Variants in SH3BP2 observed in about 807,000 individuals in gnomAD.
SH3BP2 encodes SH3 domain binding protein 2.
A neutral mutation model predicts 56.2 loss-of-function variants in SH3BP2; 38 were observed. The ratio of observed to expected loss-of-function variants is 0.68; its 90% CI spans 0.52 to 0.89. SH3BP2 has a LOEUF of 0.89. Among genes scored for constraint, SH3BP2 ranks in the 40% least tolerant of loss-of-function variants. SH3BP2 has a pLI of 0.00. For missense variants in SH3BP2, 748 were observed against 762.6 expected (o/e 0.98, Z 0.23); for synonymous variants, 346 against 316.7 (o/e 1.09, Z -0.98).
intron 10 of SH3BP2, 152 bp from the exon 11 acceptor site, chr4:2,832,179 C>G: frequency 1.0e-6 from 1 of 961,744 alleles, no homozygotes; most frequent in South Asian, 1.3e-5. Context: ...TGCTGGGCTG[C>G]TTCTGTCAGC....
intron 11 of SH3BP2, 53 bp from the exon 12 acceptor site, chr4:2,832,937 G>C: frequency 6.3e-7 from 1 of 1,575,488 alleles, no homozygotes. Context: ...GTCTCCCGAG[G>C]CTGGTCCCGC....
At chr4:2,827,383 G>C (rs1280601650) in intron 6 of SH3BP2, 65 bp downstream of exon 6, 11 of 1,438,814 alleles carry the variant, frequency 7.6e-6, no homozygotes, top group Non-Finnish European at 1.1e-5. Context: ...CTTGGCCGCT[G>C]TGGAGGAGAG....
In SH3BP2 at chr4:2,831,647, G is replaced by A. The variant is rs1441969157; in HGVS notation, c.1318G>A (p.Gly440Ser). ...KPRQPSQADTGGDDSDEDYEK... is the reference protein window; with the variant it reads ...KPRQPSQADTSGDDSDEDYEK... ...CCGGCAACCCTCACAGGCTGACACT[G>A]GCGGGGACGACTCGGACGAGGACTA... Residue 440 changes from glycine (G) to serine (S), a missense_variant, in exon 9 of 13, where the codon GGC (glycine) becomes AGC (serine). By Grantham distance (56) the Gly-to-Ser change is moderately conservative (BLOSUM62 0). Coordinates refer to ENST00000503393, the MANE Select transcript of SH3BP2 (RefSeq NM_001122681.2). This position sits in a 1 kb window ranked among gnomAD's most constrained non-coding sequence, Gnocchi z 4.1. 6.3e-7 allele frequency: 1 copy of A among 1,595,704 alleles called. No homozygotes were observed. The highest frequency in any genetic ancestry group is 8.5e-7 in the Non-Finnish European group (1 of 1,170,460).
rs757074228 is a variant in SH3BP2 at position 2,833,033 on chromosome 4, A to G, written c.1532A>G (p.Tyr511Cys). 7 of 1,614,152 alleles carry G rather than the reference A, an allele frequency of 4.3e-6. No homozygotes were observed. Among genetic ancestry groups the G allele is most frequent in the Middle Eastern group, 1.6e-4 (1 of 6,062 alleles). Residue 511 changes from tyrosine (Y) to cysteine (C), a missense_variant, in exon 12 of 13, where the codon TAT becomes TGT. By Grantham distance (194) the Tyr-to-Cys change is radical. Around this residue, in one of 3 missense-constraint regions of SH3BP2, gnomAD observed 635 missense variants for 615.0 expected, o/e 1.03. Transcript: ENST00000503393. ...WDETSNKVRN[Y>C]RIFEKDSKFY... ...GAAACCTCTAACAAAGTGAGGAACTATCGCATTTTTGAGAAGGTGAGAGGG... is the reference window on the plus strand; with the variant it reads ...GAAACCTCTAACAAAGTGAGGAACTGTCGCATTTTTGAGAAGGTGAGAGGG...
At chr4:2,823,429 C>T (rs1724416902) in intron 3 of SH3BP2, 1 of 461,564 alleles carries the variant, frequency 2.2e-6, no homozygotes, top group Non-Finnish European at 4.3e-6. Context: ...GGCCCTGTCC[C>T]AAACAGAGGC....
chr4:2,799,428 CT>C (rs1391890334), intron 1 of SH3BP2: 2 of 337,218 alleles, frequency 5.9e-6, no homozygotes, highest in Non-Finnish European at 8.4e-6. Flanking sequence ...CAGGGGCTCT[CT>C]GAGATCAACC....
At chr4:2,796,315 G>A in intron 1 of SH3BP2, 2 of 688,088 alleles carry the variant, frequency 2.9e-6, no homozygotes, top group Non-Finnish European at 3.6e-6. Context: ...GTTCGAGGTG[G>A]TGCAGGCTCC....
intron 1 of SH3BP2, among the ~76,000 whole-genome samples, chr4:2,805,762 T>G (rs1384220082): frequency 6.6e-6 from 1 of 151,970 alleles, no homozygotes; most frequent in Non-Finnish European, 1.5e-5. Context: ...GGCCTGCGGA[T>G]TGGGGTCCAG....
chr4:2,829,869 C>T lies in SH3BP2; in HGVS notation c.963C>T (p.Ala321=). ...GGGCCTGCTCCACTTCCAGTGCTGCCATCATGGCCACTGCCACCTCCAGAA... is the reference window on the plus strand; with the variant it reads ...GGGCCTGCTCCACTTCCAGTGCTGCTATCATGGCCACTGCCACCTCCAGAA... ...GHGACSTSSA[A]IMATATSRNC... is the part of the protein sequence containing the mutation. The change falls in exon 8 of 13, where the codon GCC becomes GCT. Residue 321 remains alanine, a synonymous_variant. Transcript: ENST00000503393. This position sits in a 1 kb window ranked among gnomAD's most constrained non-coding sequence, Gnocchi z 4.9. The T allele has an allele frequency of 3.1e-6, 5 of 1,613,846 alleles. No individual in the cohort carries two copies. Among genetic ancestry groups the T allele is most frequent in the Non-Finnish European group, 4.2e-6 (5 of 1,180,024 alleles).
Position 2,833,900 on chromosome 4 carries a change from G to A in SH3BP2, c.*66G>A. The stretch of plus-strand genomic sequence containing the variant: ...GCCCTGACCCCAGGCCACACAGACG[G>A]ACATGGGCCCACATGGGAGGGTGAG... On this transcript the variant is annotated 3_prime_UTR_variant, in exon 13 of 13. Transcript: ENST00000503393. 6.7e-7 allele frequency: 1 copy of A among 1,499,670 alleles called. No homozygotes were observed. The allele number at this position is 1,499,670 out of a possible 1,614,324, so 92.9% of individuals were successfully genotyped here. A position where few individuals can be genotyped will look rare whatever the true frequency, so the allele number is the denominator to read the frequency against.
At position 2,834,873 on chromosome 4, in the gene SH3BP2, G is replaced by A. The variant is rs902278833; in HGVS notation, c.*1039G>A. 1.3e-5 allele frequency: 2 copies of A among 152,780 alleles called. No individual in the cohort carries two copies. The highest frequency in any genetic ancestry group is 4.8e-5 in the African/African-American group (2 of 41,460). 9.5% of individuals were successfully genotyped at this position (152,780 alleles called of 1,614,324 possible). A position where few individuals can be genotyped will look rare whatever the true frequency, so the allele number is the denominator to read the frequency against. ...GGTGTGCAGGGACTGGGGGCTCCCG[G>A]AAGATTTTTTGGAGGAAGTAACAGC... On this transcript the variant is annotated 3_prime_UTR_variant, in exon 13 of 13. Coordinates refer to ENST00000503393, the MANE Select transcript of SH3BP2 (RefSeq NM_001122681.2).
At chr4:2,823,387 C>T (rs1007824182) in intron 3 of SH3BP2, 4 of 471,306 alleles carry the variant, frequency 8.5e-6, no homozygotes, top group African/African-American at 7.9e-5. Flanking sequence ...ACCATGACCT[C>T]TTTCCAGGCA....
At chr4:2,816,922 A>G (rs11730452) in intron 1 of SH3BP2, among the ~76,000 whole-genome samples, 15,952 of 152,190 alleles carry the variant, frequency 0.1, 1,095 homozygotes, top group South Asian at 0.18. Flanking sequence ...TGGTTTTGGT[A>G]TTGGGATAAT....
At position 2,829,195 on chromosome 4, in the gene SH3BP2, C is replaced by T. The variant is rs1193515861; in HGVS notation, c.587-298C>T. 1.3e-5 allele frequency among the ~76,000 whole-genome samples: 2 copies of T among 152,168 alleles called. No homozygotes were observed. Among genetic ancestry groups the T allele is most frequent in the African/African-American group, 2.4e-5 (1 of 41,432 alleles). The stretch of plus-strand genomic sequence containing the variant: ...CTGAGATCCTTCTTGACTTCTCTTC[C>T]TTTCTCTTCCTTCCACCTCTGGGAA... On this transcript the variant is annotated intron_variant, in intron 7 of 12. Transcript: ENST00000503393. The surrounding 1 kb of genome is among the most constrained non-coding windows in gnomAD (Gnocchi z 4.9).
intron 1 of SH3BP2, among the ~76,000 whole-genome samples, chr4:2,815,455 G>A (rs115202086): frequency 3.3e-5 from 5 of 152,328 alleles, no homozygotes; most frequent in South Asian, 2.1e-4. Context: ...TGCCCACAGC[G>A]GGACAGCAGC....
intron 1 of SH3BP2, chr4:2,814,750 CAG>C (rs1462810200): frequency 1.3e-5 from 2 of 152,090 alleles, no homozygotes; most frequent in Non-Finnish European, 2.9e-5. Flanking sequence ...GGTGGGGGCT[CAG>C]GGGAAGGAGG....
intron 1 of SH3BP2, chr4:2,818,218 G>A (rs1724092566): frequency 2.4e-5 from 24 of 987,394 alleles, no homozygotes; most frequent in Non-Finnish European, 2.9e-5. Flanking sequence ...GCCAGGGCCG[G>A]CGGGCATGGC....
At chr4:2,820,849 A>G (rs1171674182) in intron 2 of SH3BP2, 96 bp downstream of exon 2, 8 of 1,360,922 alleles carry the variant, frequency 5.9e-6, no homozygotes, top group Non-Finnish European at 8.0e-6. Context: ...GCTTCCTCAC[A>G]TGGTGTGCCC....
chr4:2,806,892 A>G (rs754344091), intron 1 of SH3BP2, among the ~76,000 whole-genome samples: 4 of 152,248 alleles, frequency 2.6e-5, no homozygotes, highest in Admixed American at 1.3e-4. Flanking sequence ...CTTGAGGGCC[A>G]AGCATCCACC....
Sources: gnomAD v4.1 joint callset for allele counts (sites outside exome capture counted in the v4.1 genomes callset) on GRCh38, gnomAD v4.1.1 for gene constraint, gnomAD v4.1.1 regional missense constraint, Gnocchi (gnomAD v3.1) non-coding constraint, MANE v1.5 for transcripts, NCBI Gene and HGNC (gene_info 2026-07-23, HGNC 2026-07-21) for gene names.